FRMPD2: variants seen among roughly 807,000 people sequenced by gnomAD.
The protein encoded by FRMPD2 is FERM and PDZ domain-containing protein 2.
Under a neutral mutation model 140.1 loss-of-function variants are expected in FRMPD2, and 96 were observed. The observed-to-expected ratio is 0.69, with a 90% CI of 0.58 to 0.81. The LOEUF (loss-of-function observed/expected upper bound fraction) is 0.81. FRMPD2 is among the 40% of genes least tolerant of loss of function. FRMPD2 has a pLI of 0.00. For synonymous variants in FRMPD2, 449 were observed against 547.6 expected (o/e 0.82, Z 2.52); for missense variants, 1,240 against 1,447.4 (o/e 0.86, Z 2.32).
intron 13 of FRMPD2, 115 bp from the exon 14 acceptor site, chr10:48,207,048 G>A (rs1429401085): frequency 1.2e-4 from 106 of 881,632 alleles, no homozygotes; most frequent in Non-Finnish European, 1.7e-4. Context: ...AGAAAGAGTA[G>A]AATTGTCATG....
Position 48,210,805 on chromosome 10 carries a change from G to C in FRMPD2, c.1611+1149C>G, listed in dbSNP as rs1014784315. On this transcript the variant is annotated intron_variant, in intron 13 of 28. Transcript: ENST00000374201. ...GCAAAGGCCCAACCTCATGTTGGCT[G>C]TTCTGTTTTCAAGTACCCATCTCAA... is the stretch of plus-strand genomic sequence containing the variant. Among the ~76,000 whole-genome samples, 13 of 152,356 alleles carry C rather than the reference G, an allele frequency of 8.5e-5. No individual in the cohort carries two copies. The South Asian group carries it at 2.7e-3, about 32-fold the overall frequency.
chr10:48,260,975 T>C (rs1840580196), intron 1 of FRMPD2, among the ~76,000 whole-genome samples: 1 of 152,208 alleles, frequency 6.6e-6, no homozygotes, highest in African/African-American at 2.4e-5. Flanking sequence ...TCTTAAAAGT[T>C]AGCAATCAAC....
At chr10:48,204,955 A>G (rs1839172225) in intron 14 of FRMPD2, among the ~76,000 whole-genome samples, 1 of 152,150 alleles carries the variant, frequency 6.6e-6, no homozygotes, top group Non-Finnish European at 1.5e-5. Context: ...ATCTTTCTCT[A>G]TTTCCTTTGC....
chr10:48,186,249 T>G (rs1477794065), intron 17 of FRMPD2, among the ~76,000 whole-genome samples: 1 of 152,184 alleles, frequency 6.6e-6, no homozygotes, highest in Non-Finnish European at 1.5e-5. Context: ...AATCCCCAAA[T>G]GGTGACCCAC....
chr10:48,238,844 C>T (rs1187793587), intron 7 of FRMPD2, among the ~76,000 whole-genome samples: 1 of 152,244 alleles, frequency 6.6e-6, no homozygotes, highest in Non-Finnish European at 1.5e-5. Context: ...TTTGCAGCCT[C>T]CTGCCATCAA....
intron 17 of FRMPD2, among the ~76,000 whole-genome samples, 191 bp from the exon 18 acceptor site, chr10:48,185,836 A>C (rs1169708976): frequency 2.0e-5 from 3 of 152,214 alleles, no homozygotes; most frequent in Admixed American, 1.3e-4. Context: ...ACACACTCAC[A>C]TGAGCCTCTC....
At chr10:48,158,201 C>T (rs1320594188) in intron 28 of FRMPD2, among the ~76,000 whole-genome samples, 6 of 150,498 alleles carry the variant, frequency 4.0e-5, no homozygotes, top group East Asian at 2.0e-4. Flanking sequence ...AAAGAAAAAG[C>T]GATTTGCTCC....
intron 13 of FRMPD2, among the ~76,000 whole-genome samples, chr10:48,208,855 A>C (rs1243949019): frequency 1.3e-5 from 2 of 152,050 alleles, no homozygotes; most frequent in Admixed American, 1.3e-4. Flanking sequence ...GGGACCAAGC[A>C]CTCCTGGCTG....
At chr10:48,248,827 T>G (rs1840311126) in intron 3 of FRMPD2, 194 bp downstream of exon 3, 1 of 440,982 alleles carries the variant, frequency 2.3e-6, no homozygotes, top group East Asian at 3.5e-5. Context: ...CTCAGAGAAG[T>G]GGACTTGCCC....
chr10:48,225,974 C>T (rs1323240363), intron 10 of FRMPD2, among the ~76,000 whole-genome samples: 3 of 152,134 alleles, frequency 2.0e-5, no homozygotes, highest in Admixed American at 6.5e-5. Context: ...GGCATCCTTT[C>T]TGATGTGTAC....
At chr10:48,236,407 G>A in intron 9 of FRMPD2, 75 bp downstream of exon 9, 1 of 1,263,558 alleles carries the variant, frequency 7.9e-7, no homozygotes, top group Non-Finnish European at 1.2e-6. Flanking sequence ...ACCCCATTCA[G>A]ACACAATTGG....
At chr10:48,201,649 A>C (rs772578862) in intron 14 of FRMPD2, 46 of 299,550 alleles carry the variant, frequency 1.5e-4, no homozygotes, top group Non-Finnish European at 6.9e-5. Flanking sequence ...GAAGAATATG[A>C]AGTGGGTCAG....
chr10:48,208,413 G>A (rs748388098), intron 13 of FRMPD2, among the ~76,000 whole-genome samples: 13 of 152,194 alleles, frequency 8.5e-5, no homozygotes, highest in Non-Finnish European at 1.8e-4. Flanking sequence ...AAAGCACCAT[G>A]CTAAGCCTCT....
rs143356777 is a variant in FRMPD2, at chr10:48,206,296, A to T, written c.1797+452T>A. On this transcript the variant is annotated intron_variant, in intron 14 of 28. Coordinates refer to ENST00000374201, the MANE Select transcript of FRMPD2 (RefSeq NM_001018071.4). ...CACCTGTAGTCCTCAGAGACAGACCAGAGGCCTTGGCACACTGCGTGCAAA... is the reference window on the plus strand; with the variant it reads ...CACCTGTAGTCCTCAGAGACAGACCTGAGGCCTTGGCACACTGCGTGCAAA... 7.3e-3 allele frequency among the ~76,000 whole-genome samples: 1,113 copies of T among 152,330 alleles called. 7 individuals are homozygous for T. The highest frequency in any genetic ancestry group is 0.02 in the Middle Eastern group (6 of 294).
At chr10:48,159,350 C>A in intron 28 of FRMPD2, 1 of 429,838 alleles carries the variant, frequency 2.3e-6, no homozygotes, top group Non-Finnish European at 4.7e-6. Context: ...GGACAGATAC[C>A]CCTGGGTATC....
intron 12 of FRMPD2, among the ~76,000 whole-genome samples, chr10:48,215,614 G>C (rs1182572746): frequency 1.3e-5 from 2 of 152,160 alleles, no homozygotes; most frequent in African/African-American, 4.8e-5. Context: ...CTTTACATAC[G>C]TGAGAAAGGA....
intron 4 of FRMPD2, among the ~76,000 whole-genome samples, 197 bp downstream of exon 4, chr10:48,244,587 G>A (rs543067029): frequency 1.3e-5 from 2 of 152,354 alleles, no homozygotes; most frequent in African/African-American, 4.8e-5. Context: ...GGAGTGCTAT[G>A]TTGAGTGGGA....
intron 10 of FRMPD2, among the ~76,000 whole-genome samples, chr10:48,224,715 G>C (rs957321046): frequency 1.3e-5 from 2 of 152,202 alleles, no homozygotes; most frequent in African/African-American, 4.8e-5. Context: ...TAGCTAGGCA[G>C]GTGTAAAATT....
At chr10:48,234,923 G>T (rs1397696094) in intron 9 of FRMPD2, among the ~76,000 whole-genome samples, 1 of 152,156 alleles carries the variant, frequency 6.6e-6, no homozygotes, top group East Asian at 1.9e-4. Flanking sequence ...AGCAGGTCTG[G>T]CCCATCTACC....
Sources: gnomAD v4.1 joint callset for allele counts (sites outside exome capture counted in the v4.1 genomes callset) on GRCh38, gnomAD v4.1.1 for gene constraint, MANE v1.5 for transcripts, NCBI Gene and HGNC (gene_info 2026-07-23, HGNC 2026-07-21) for gene names.